The following TNFAIP8 variants were observed in gnomAD, a reference collection of about 807,000 sequenced individuals.
The protein encoded by TNFAIP8 is TNF alpha induced protein 8, also known as tumor necrosis factor alpha-induced protein 8.
In TNFAIP8, 7 loss-of-function variants were observed where a neutral mutation model predicts 13.3. That is an observed-to-expected ratio of 0.52 (90% CI 0.30 to 0.99). The LOEUF (loss-of-function observed/expected upper bound fraction) is 0.99. Among genes scored for constraint, TNFAIP8 ranks in the 50% least tolerant of loss-of-function variants. TNFAIP8 has a pLI of 0.07. For missense variants in TNFAIP8, 258 were observed against 236.9 expected (o/e 1.09, Z -0.58); for synonymous variants, 94 against 87.6 (o/e 1.07, Z -0.41).
intron 1 of TNFAIP8, among the ~76,000 whole-genome samples, chr5:119,377,420 AAAAT>A (rs1182658171): frequency 6.6e-6 from 1 of 152,114 alleles, no homozygotes; most frequent in Non-Finnish European, 1.5e-5. Flanking sequence ...AAAAAAATAA[AAAAT>A]AAAAATTTGT....
intron 1 of TNFAIP8, among the ~76,000 whole-genome samples, chr5:119,337,412 T>C (rs1750589976): frequency 2.0e-5 from 3 of 152,208 alleles, no homozygotes; most frequent in Non-Finnish European, 4.4e-5. Flanking sequence ...TCAGTAAAAT[T>C]GCCTGTCACT....
At chr5:119,289,376 C>A (rs968827746) in intron 1 of TNFAIP8, among the ~76,000 whole-genome samples, 4 of 152,160 alleles carry the variant, frequency 2.6e-5, no homozygotes, top group African/African-American at 9.7e-5. Flanking sequence ...AGCAGTTTCA[C>A]TGGATCCCAA....
intron 1 of TNFAIP8, among the ~76,000 whole-genome samples, chr5:119,292,192 G>C (rs1749008523): frequency 6.6e-6 from 1 of 152,112 alleles, no homozygotes; most frequent in South Asian, 2.1e-4. Flanking sequence ...AGAAGGACTT[G>C]AGAAGGGAAG....
intron 1 of TNFAIP8, among the ~76,000 whole-genome samples, chr5:119,294,161 G>A (rs1749088272): frequency 6.6e-6 from 1 of 151,302 alleles, no homozygotes; most frequent in African/African-American, 2.4e-5. Flanking sequence ...TCGTCATTTA[G>A]CATTAGGTAT....
rs147609880 is a variant in TNFAIP8 at position 119,323,319 on chromosome 5, T to C, written c.1+54412T>C. Among the ~76,000 whole-genome samples the C allele has an allele frequency of 2.0e-3, 309 of 152,296 alleles. 1 individual carries two copies. The highest frequency in any genetic ancestry group is 7.0e-3 in the African/African-American group (293 of 41,578). ...GGCTTATAAGATCCTTAATAACCTG[T>C]TCCCAAGCTGGCTGCATTTCTTGGA... On this transcript the variant is annotated intron_variant, in intron 1 of 1. Coordinates refer to the TNFAIP8 transcript ENST00000274456.
intron 1 of TNFAIP8, among the ~76,000 whole-genome samples, chr5:119,294,116 T>C (rs1193631417): frequency 1.3e-5 from 2 of 152,246 alleles, no homozygotes; most frequent in East Asian, 1.9e-4. Context: ...TACATATGTA[T>C]ACATGTGCCA....
chr5:119,334,691 T>G (rs1404911451), intron 1 of TNFAIP8, among the ~76,000 whole-genome samples: 1 of 148,954 alleles, frequency 6.7e-6, no homozygotes, highest in Non-Finnish European at 1.5e-5. Context: ...GGAGAATTGC[T>G]TGAACCTGGG....
At chr5:119,333,663 G>C (rs567186597) in intron 1 of TNFAIP8, 2 of 1,471,354 alleles carry the variant, frequency 1.4e-6, no homozygotes, top group African/African-American at 1.4e-5. Context: ...AATATGTTTA[G>C]ATATAATGTC....
intron 1 of TNFAIP8, among the ~76,000 whole-genome samples, chr5:119,315,260 T>G (rs897000027): frequency 6.6e-6 from 1 of 152,096 alleles, no homozygotes; most frequent in Non-Finnish European, 1.5e-5. Flanking sequence ...TTTTTTGTAT[T>G]TTTAGTAGGG....
intron 1 of TNFAIP8, among the ~76,000 whole-genome samples, chr5:119,306,841 T>C (rs2112662885): frequency 6.6e-6 from 1 of 152,268 alleles, no homozygotes; most frequent in Middle Eastern, 3.4e-3. Context: ...ATAAAGGCTA[T>C]AGGGTAAAGT....
intron 1 of TNFAIP8, among the ~76,000 whole-genome samples, chr5:119,368,470 T>TGTGTG (rs1554181809): frequency 6.7e-6 from 1 of 150,122 alleles, no homozygotes; most frequent in Non-Finnish European, 1.5e-5. Flanking sequence ...CGTGTGTGTG[T>TGTGTG]TTGTGTTGGG....
intron 1 of TNFAIP8, among the ~76,000 whole-genome samples, chr5:119,337,800 T>G (rs148694199): frequency 1.3e-5 from 2 of 152,262 alleles, no homozygotes; most frequent in East Asian, 3.9e-4. Context: ...TCAGTTAAAG[T>G]TGCCACCAAA....
At position 119,392,813 on chromosome 5, in the gene TNFAIP8, T is replaced by TTA; in HGVS notation, c.32-3_32-2insTA. On this transcript the variant is annotated splice_polypyrimidine_tract_variant and splice_region_variant and intron_variant, in intron 1 of 1. Transcript: ENST00000504771. ...TTCTTTTCCTCTCTTTTTTTTTTTTTAGTGGCCACAGATGTCTTTAATTCC... is the reference window on the plus strand; with the variant it reads ...TTCTTTTCCTCTCTTTTTTTTTTTTTTAAGTGGCCACAGATGTCTTTAATTCC... The TTA allele has an allele frequency of 2.7e-6, 4 of 1,501,762 alleles. No individual in the cohort carries two copies. Among genetic ancestry groups the TTA allele is most frequent in the Non-Finnish European group, 3.5e-6 (4 of 1,126,838 alleles). The allele number at this position is 1,501,762 out of a possible 1,614,324, so 93.0% of individuals were successfully genotyped here. A position where few individuals can be genotyped will look rare whatever the true frequency, so the allele number is the denominator to read the frequency against.
intron 1 of TNFAIP8, among the ~76,000 whole-genome samples, chr5:119,330,364 A>AT (rs1211118405): frequency 6.6e-6 from 1 of 152,210 alleles, no homozygotes; most frequent in Non-Finnish European, 1.5e-5. Flanking sequence ...ATGCAGACAC[A>AT]AATGTCATCA....
At chr5:119,273,564 G>A (rs1214650757) in intron 1 of TNFAIP8, among the ~76,000 whole-genome samples, 2 of 152,186 alleles carry the variant, frequency 1.3e-5, no homozygotes, top group African/African-American at 2.4e-5. Flanking sequence ...GAACGAAGAC[G>A]AGCCATAGTA....
chr5:119,396,552 G>A lies in TNFAIP8; in HGVS notation c.*3171G>A, dbSNP rs1041205294. ...AGCAAGGAAGCAGCAGTTCAGTACT[G>A]TGCTCCCTAGAGTAGGCACGGCATC... On this transcript the variant is annotated 3_prime_UTR_variant, in exon 2 of 2. Coordinates refer to ENST00000504771, the MANE Select transcript of TNFAIP8 (RefSeq NM_014350.4). 4 of 152,176 alleles carry A rather than the reference G, an allele frequency of 2.6e-5. No homozygotes were observed. The highest frequency in any genetic ancestry group is 3.8e-4 in the East Asian group (2 of 5,202). 9.4% of individuals were successfully genotyped at this position (152,176 alleles called of 1,614,324 possible).
At chr5:119,360,276 C>T (rs920852285) in intron 1 of TNFAIP8, among the ~76,000 whole-genome samples, 9 of 152,164 alleles carry the variant, frequency 5.9e-5, no homozygotes, top group African/African-American at 2.2e-4. Context: ...CCAGCGATTG[C>T]ATTTCAGAAC....
At chr5:119,326,585 A>T (rs1750233530) in intron 1 of TNFAIP8, among the ~76,000 whole-genome samples, 1 of 152,134 alleles carries the variant, frequency 6.6e-6, no homozygotes, top group South Asian at 2.1e-4. Context: ...ATGGTGAGAG[A>T]GGATATGGAA....
intron 1 of TNFAIP8, among the ~76,000 whole-genome samples, chr5:119,356,608 A>T (rs1265810777): frequency 1.3e-5 from 2 of 150,582 alleles, no homozygotes; most frequent in South Asian, 2.1e-4. Context: ...AAATAGATTA[A>T]TTTTTTTTCA....
Sources: allele counts gnomAD v4.1 joint callset (sites outside exome capture counted in the v4.1 genomes callset), GRCh38; gene constraint gnomAD v4.1.1; transcripts MANE v1.5; gene names NCBI Gene and HGNC (gene_info 2026-07-23, HGNC 2026-07-21).